PRLR: variants seen among roughly 807,000 people sequenced by gnomAD.
PRLR encodes the protein hPRL receptor.
In PRLR, 13 loss-of-function variants were observed where a neutral mutation model predicts 40.2. The ratio of observed to expected loss-of-function variants is 0.32; its 90% CI spans 0.21 to 0.51. PRLR has a LOEUF of 0.51. Among genes scored for constraint, PRLR ranks in the 20% least tolerant of loss-of-function variants. The probability of loss-of-function intolerance (pLI) is 0.97; values close to 1 mark genes in which losing one functional copy is unlikely to be tolerated. For synonymous variants in PRLR, 269 were observed against 278.7 expected (o/e 0.97, Z 0.35); for missense variants, 656 against 747.3 (o/e 0.88, Z 1.42).
intron 1 of PRLR, among the ~76,000 whole-genome samples, chr5:35,154,227 C>A (rs1416483349): frequency 6.6e-6 from 1 of 152,154 alleles, no homozygotes; most frequent in Non-Finnish European, 1.5e-5. Flanking sequence ...GCAAAGGTAT[C>A]TGACTTCTTG....
intron 8 of PRLR, among the ~76,000 whole-genome samples, chr5:35,049,707 C>T (rs1768416945): frequency 6.6e-6 from 1 of 151,864 alleles, no homozygotes; most frequent in Admixed American, 6.6e-5. Flanking sequence ...TTAATAAGTT[C>T]CTTTTGATGG....
At chr5:35,076,379 C>G (rs564594485) in intron 5 of PRLR, among the ~76,000 whole-genome samples, 1 of 151,996 alleles carries the variant, frequency 6.6e-6, no homozygotes, top group Non-Finnish European at 1.5e-5. Flanking sequence ...AACCATGGCA[C>G]GAGAACTATG....
At chr5:35,132,192 A>G (rs1773708910) in intron 1 of PRLR, among the ~76,000 whole-genome samples, 1 of 152,208 alleles carries the variant, frequency 6.6e-6, no homozygotes, top group Non-Finnish European at 1.5e-5. Context: ...TGGAGGAGAA[A>G]AAGGGAAATA....
At chr5:35,050,118 C>T (rs542392338) in intron 8 of PRLR, among the ~76,000 whole-genome samples, 232 of 152,142 alleles carry the variant, frequency 1.5e-3, no homozygotes, top group African/African-American at 5.4e-3. Context: ...AGGCTGGTCT[C>T]GAACTCCTGA....
chr5:35,101,836 A>G (rs1293123312), intron 2 of PRLR, among the ~76,000 whole-genome samples: 1 of 148,672 alleles, frequency 6.7e-6, no homozygotes, highest in Non-Finnish European at 1.5e-5. Flanking sequence ...TTATATATAT[A>G]TATATTTTTG....
At chr5:35,085,628 T>C (rs1770801149) in intron 4 of PRLR, among the ~76,000 whole-genome samples, 1 of 152,158 alleles carries the variant, frequency 6.6e-6, no homozygotes, top group Non-Finnish European at 1.5e-5. Flanking sequence ...TGAAACAAGT[T>C]TGAAAACCTA....
chr5:35,152,778 G>T (rs1346309406), intron 1 of PRLR: 2 of 152,154 alleles, frequency 1.3e-5, no homozygotes, highest in African/African-American at 4.8e-5. Context: ...TCCAGAGCAA[G>T]GAACTAACCA....
intron 1 of PRLR, among the ~76,000 whole-genome samples, chr5:35,164,567 G>A (rs752089028): frequency 2.6e-5 from 4 of 152,162 alleles, no homozygotes; most frequent in Non-Finnish European, 4.4e-5. Flanking sequence ...TATGAGAAAT[G>A]GAGTCTGGTA....
chr5:35,104,487 C>A (rs185464996), intron 2 of PRLR, among the ~76,000 whole-genome samples: 125 of 152,018 alleles, frequency 8.2e-4, no homozygotes, highest in South Asian at 7.1e-3. Flanking sequence ...GAAGCCGTGA[C>A]AGACAGTACC....
In PRLR at chr5:35,058,283, T is replaced by C. The variant is rs906184034; in HGVS notation, c.*6806A>G. ...GAAAATGTGGAACCTTATGCTATTA[T>C]GTATAACTTCACTTCAATATGGCTT... On this transcript the variant is annotated 3_prime_UTR_variant, in exon 10 of 10. Coordinates refer to ENST00000618457, the MANE Select transcript of PRLR (RefSeq NM_000949.7). The C allele has an allele frequency of 3.3e-5, 5 of 152,230 alleles. No homozygotes were observed. Among genetic ancestry groups the C allele is most frequent in the African/African-American group, 1.2e-4 (5 of 41,464 alleles). The allele number at this position is 152,230 out of a possible 1,614,324, so 9.4% of individuals were successfully genotyped here.
Position 35,072,714 on chromosome 5 carries a change from A to G in PRLR, c.404T>C (p.Val135Ala), listed in dbSNP as rs749326814. The G allele has an allele frequency of 6.2e-7, 1 of 1,614,090 alleles. No homozygotes were observed. Among genetic ancestry groups the G allele is most frequent in the South Asian group, 1.1e-5 (1 of 91,072 alleles). Residue 135 changes from valine to alanine, a missense_variant, in exon 6 of 10, where the codon GTG (valine) becomes GCG (alanine). Val to Ala is a moderately conservative substitution (Grantham distance 64). Coordinates refer to ENST00000618457, the MANE Select transcript of PRLR (RefSeq NM_000949.7). ...TCTGTCTTCTGGCTGTTTTACTTCC[A>G]CAGCCAGCTCCAAAGGAGGGTCTGG... The part of the protein sequence containing the change: ...VQPDPPLELA[V>A]EVKQPEDRKP...
At chr5:35,106,864 C>A (rs1041204654) in intron 2 of PRLR, among the ~76,000 whole-genome samples, 3 of 152,182 alleles carry the variant, frequency 2.0e-5, no homozygotes, top group Admixed American at 2.0e-4. Flanking sequence ...CTCAGCTCTG[C>A]ACCAAGTGGA....
At chr5:35,162,607 C>T (rs1163058220) in intron 1 of PRLR, among the ~76,000 whole-genome samples, 2 of 152,196 alleles carry the variant, frequency 1.3e-5, no homozygotes, top group African/African-American at 4.8e-5. Flanking sequence ...AGAATGCAAG[C>T]CTTCTCCAAC....
intron 1 of PRLR, among the ~76,000 whole-genome samples, chr5:35,176,966 T>C (rs1420158912): frequency 6.6e-6 from 1 of 152,170 alleles, no homozygotes; most frequent in African/African-American, 2.4e-5. Flanking sequence ...AAAACTGCCT[T>C]AGGGCTGGAG....
rs1773430283 is a variant in PRLR, at chr5:35,125,566, C to T, written c.-105-7444G>A. On this transcript the variant is annotated intron_variant, in intron 1 of 9. Transcript: ENST00000618457. ...ACATTCTTAAAATGTTATCTTTGTC[C>T]TGATCTCTTAATCCCCATAAGGGGT... Among the ~76,000 whole-genome samples the T allele has an allele frequency of 8.5e-5, 13 of 152,290 alleles. No homozygotes were observed. In the South Asian group the frequency reaches 2.5e-3, roughly 29 times the overall value.
chr5:35,127,583 T>C (rs1773511936), intron 1 of PRLR, among the ~76,000 whole-genome samples: 1 of 152,198 alleles, frequency 6.6e-6, no homozygotes, highest in Admixed American at 6.5e-5. Flanking sequence ...CACTTTGCTC[T>C]TTAGTTAAAA....
At chr5:35,090,969 C>G (rs1771172461) in intron 2 of PRLR, among the ~76,000 whole-genome samples, 1 of 151,888 alleles carries the variant, frequency 6.6e-6, no homozygotes, top group Non-Finnish European at 1.5e-5. Flanking sequence ...CCCCACGATG[C>G]CCGGCTAATT....
At chr5:35,214,509 C>T (rs73078894) in intron 1 of PRLR, among the ~76,000 whole-genome samples, 2,423 of 152,296 alleles carry the variant, frequency 0.016, 67 homozygotes, top group African/African-American at 0.056. Flanking sequence ...TGTCTTCCTC[C>T]ACCCTCAAAA....
chr5:35,144,520 C>A (rs1164915780), intron 1 of PRLR, among the ~76,000 whole-genome samples: 1 of 152,182 alleles, frequency 6.6e-6, no homozygotes, highest in Non-Finnish European at 1.5e-5. Context: ...GTGGCACAAT[C>A]TCGGCTCACT....
Sources: gnomAD v4.1 joint callset for allele counts (sites outside exome capture counted in the v4.1 genomes callset) on GRCh38, gnomAD v4.1.1 for gene constraint, MANE v1.5 for transcripts, NCBI Gene and HGNC (gene_info 2026-07-23, HGNC 2026-07-21) for gene names.